Variants in SLC30A7 observed in about 807,000 individuals in gnomAD.
SLC30A7 encodes zinc transporter 7.
Under a neutral mutation model 46.0 loss-of-function variants are expected in SLC30A7, and 35 were observed. The ratio of observed to expected loss-of-function variants is 0.76; its 90% CI spans 0.58 to 1.01. The LOEUF is 1.01. SLC30A7 is among the 50% of genes least tolerant of loss of function. SLC30A7 has a pLI of 0.00. For missense variants in SLC30A7, 464 were observed against 451.1 expected (o/e 1.03, Z -0.26); for synonymous variants, 147 against 157.8 (o/e 0.93, Z 0.51).
chr1:100,900,452 C>T (rs1244976886), intron 2 of SLC30A7, among the ~76,000 whole-genome samples: 2 of 152,128 alleles, frequency 1.3e-5, no homozygotes, highest in Non-Finnish European at 2.9e-5. Flanking sequence ...TTCTATCAAT[C>T]ACATGTTTTT....
Position 100,975,313 on chromosome 1 carries a change from T to TA in SLC30A7, c.*457dup, listed in dbSNP as rs748675693. On this transcript the variant is annotated 3_prime_UTR_variant, in exon 11 of 11. Coordinates refer to ENST00000357650, the MANE Select transcript of SLC30A7 (RefSeq NM_133496.5). ...GCTTTCATTCCCACAAAACCAGTAT[T>TA]ACTTTTTTTTAAAAAAAGAAAGAAA... 6.5e-6 allele frequency: 1 copy of TA among 153,558 alleles called. No individual in the cohort carries two copies. The highest frequency in any genetic ancestry group is 1.9e-4 in the East Asian group (1 of 5,214). 9.5% of individuals were successfully genotyped at this position (153,558 alleles called of 1,614,324 possible).
chr1:100,939,041 T>G (rs1269434062), intron 8 of SLC30A7, among the ~76,000 whole-genome samples: 1 of 152,198 alleles, frequency 6.6e-6, no homozygotes, highest in Non-Finnish European at 1.5e-5. Flanking sequence ...GATAATTCCT[T>G]AACATGATAA....
chr1:100,906,636 T>C (rs1651687606), intron 2 of SLC30A7, among the ~76,000 whole-genome samples: 1 of 152,140 alleles, frequency 6.6e-6, no homozygotes, highest in Non-Finnish European at 1.5e-5. Flanking sequence ...TTTCTACCTC[T>C]CTCGCAGCAG....
rs572568792 is a variant in SLC30A7, at chr1:100,932,658, T to C, written c.842+10817T>C. ...TTGATATGGGATTGCTTGGTTTGTG[T>C]AGGTTCATTTAAGGAAACTTACTGG... On this transcript the variant is annotated intron_variant, in intron 8 of 10. Coordinates refer to ENST00000357650, the MANE Select transcript of SLC30A7 (RefSeq NM_133496.5). Among the ~76,000 whole-genome samples the C allele has an allele frequency of 1.3e-4, 20 of 152,320 alleles. 1 individual carries two copies. In the South Asian group the frequency reaches 3.9e-3, roughly 30 times the overall value.
At chr1:100,985,693 A>T (rs568504941), downstream of SLC30A7, among the ~76,000 whole-genome samples, 2 of 151,036 alleles carry the variant, frequency 1.3e-5, no homozygotes, top group South Asian at 2.1e-4. Context: ...TGTTGTAACT[A>T]AACATTTACA....
the SLC30A7 span, chr1:100,990,546 C>T: frequency 1.2e-6 from 2 of 1,614,134 alleles, no homozygotes; most frequent in East Asian, 2.2e-5. Flanking sequence ...CCACAGTGCA[C>T]ATTTGCCTTA....
intron 6 of SLC30A7, among the ~76,000 whole-genome samples, chr1:100,914,259 T>A (rs1041979984): frequency 6.6e-6 from 1 of 152,218 alleles, no homozygotes; most frequent in East Asian, 1.9e-4. Context: ...AAATTGACAA[T>A]AGTCACTCTG....
chr1:100,960,831 T>A lies in SLC30A7; in HGVS notation c.843-997T>A, dbSNP rs868120987. Among the ~76,000 whole-genome samples the A allele has an allele frequency of 2.6e-5, 4 of 152,170 alleles. No homozygotes were observed. The South Asian group carries it at 8.3e-4, about 32-fold the overall frequency. ...TGGACATTCCCTCAAAGATTCTGAT[T>A]CAATATATCAGAAGTGAAAACAAAA... On this transcript the variant is annotated intron_variant, in intron 8 of 10. Coordinates refer to ENST00000357650, the MANE Select transcript of SLC30A7 (RefSeq NM_133496.5).
chr1:100,912,858 A>G (rs569660646), intron 5 of SLC30A7, among the ~76,000 whole-genome samples: 1 of 151,694 alleles, frequency 6.6e-6, no homozygotes, highest in African/African-American at 2.4e-5. Flanking sequence ...AACCTGGGTG[A>G]CAGAGCAAGA....
In SLC30A7 at chr1:100,903,726, G is replaced by T. The variant is rs116765800; in HGVS notation, c.183-3126G>T. On this transcript the variant is annotated intron_variant, in intron 2 of 10. Transcript: ENST00000357650. The stretch of plus-strand genomic sequence containing the variant: ...ATTTGGCAGAGGTTTATAAATTATT[G>T]TGCTTTTTCTTGTTGGTAAATGATG... 7.0e-3 allele frequency among the ~76,000 whole-genome samples: 1,062 copies of T among 152,074 alleles called. 19 individuals are homozygous for T. Among genetic ancestry groups the T allele is most frequent in the African/African-American group, 0.025 (1,017 of 41,510 alleles).
rs533532329 is a variant in SLC30A7, at chr1:100,933,566, C to T, written c.842+11725C>T. Among the ~76,000 whole-genome samples the T allele has an allele frequency of 3.3e-5, 5 of 152,154 alleles. No homozygotes were observed. The South Asian group carries it at 8.3e-4, about 25-fold the overall frequency. ...TATCTCCTAATGCTATCCCTCCCCA[C>T]TCCCCCCACTCTACTACAGGCCCCA... On this transcript the variant is annotated intron_variant, in intron 8 of 10. Coordinates refer to ENST00000357650, the MANE Select transcript of SLC30A7 (RefSeq NM_133496.5).
chr1:100,896,908 A>G (rs1254414854), intron 2 of SLC30A7, among the ~76,000 whole-genome samples: 1 of 152,078 alleles, frequency 6.6e-6, no homozygotes, highest in Admixed American at 6.5e-5. Flanking sequence ...GTTCCATCAG[A>G]CAAGACTGAC....
chr1:100,931,708 C>CCAATTTGTAAATTAGGAGT (rs2101045844), intron 8 of SLC30A7, among the ~76,000 whole-genome samples: 2 of 152,240 alleles, frequency 1.3e-5, no homozygotes, highest in African/African-American at 4.8e-5. Context: ...TAAAATACTA[C>CCAATTTGTAAATTAGGAGT]CAATTTGTAA....
At chr1:100,915,439 A>G (rs77832052) in intron 6 of SLC30A7, among the ~76,000 whole-genome samples, 4,270 of 151,966 alleles carry the variant, frequency 0.028, 180 homozygotes, top group African/African-American at 0.095. Context: ...CCCTTTTCCA[A>G]CTTCCTCCAA....
At chr1:100,984,790 T>G (rs1657173161), downstream of SLC30A7, among the ~76,000 whole-genome samples, 1 of 152,158 alleles carries the variant, frequency 6.6e-6, no homozygotes, top group Non-Finnish European at 1.5e-5. Flanking sequence ...AAATTTCAAC[T>G]TACAGAAAAT....
At chr1:100,963,083 A>G (rs1451405348) in intron 9 of SLC30A7, among the ~76,000 whole-genome samples, 1 of 152,188 alleles carries the variant, frequency 6.6e-6, no homozygotes, top group Non-Finnish European at 1.5e-5. Flanking sequence ...TCTAGGAGAA[A>G]TGTTACTTAA....
intron 10 of SLC30A7, among the ~76,000 whole-genome samples, chr1:100,971,152 CAAGT>C (rs1656140694): frequency 1.3e-5 from 2 of 152,142 alleles, no homozygotes; most frequent in African/African-American, 4.8e-5. Flanking sequence ...CTCACAAGCC[CAAGT>C]AAGAGTGCTC....
At chr1:100,944,898 CCCA>C (rs1654541307) in intron 8 of SLC30A7, among the ~76,000 whole-genome samples, 1 of 152,174 alleles carries the variant, frequency 6.6e-6, no homozygotes, top group African/African-American at 2.4e-5. Flanking sequence ...AATTTACACT[CCCA>C]CCAACAGTGT....
intron 4 of SLC30A7, 39 bp downstream of exon 4, chr1:100,911,189 C>A: frequency 7.5e-7 from 1 of 1,337,258 alleles, no homozygotes; most frequent in Non-Finnish European, 1.0e-6. Flanking sequence ...AATTACATTT[C>A]TGTAATGAAA....
Sources: allele counts gnomAD v4.1 joint callset (sites outside exome capture counted in the v4.1 genomes callset), GRCh38; gene constraint gnomAD v4.1.1; transcripts MANE v1.5; gene names NCBI Gene and HGNC (gene_info 2026-07-23, HGNC 2026-07-21).